The following ADD2 variants were observed in gnomAD, a reference collection of about 807,000 sequenced individuals.
The protein encoded by ADD2 is beta-adducin.
A neutral mutation model predicts 83.0 loss-of-function variants in ADD2; 23 were observed. The ratio of observed to expected loss-of-function variants is 0.28; its 90% CI spans 0.20 to 0.39. The LOEUF (loss-of-function observed/expected upper bound fraction) is 0.39, where lower values mean the gene tolerates loss of function less well. ADD2 is among the 10% of genes least tolerant of loss of function. The pLI, the probability that ADD2 is intolerant of heterozygous loss-of-function variation, is 1.00. For synonymous variants in ADD2, 375 were observed against 375.4 expected, an observed-to-expected ratio of 1.00 and a Z score of 0.01; for missense variants, 758 against 944.9, an observed-to-expected ratio of 0.80 and a Z score of 2.59.
At chr2:70,669,650 T>A (rs960681917) in intron 15 of ADD2, among the ~76,000 whole-genome samples, 2 of 152,186 alleles carry the variant, frequency 1.3e-5, no homozygotes, top group African/African-American at 4.8e-5. Context: ...CCACACTGAA[T>A]CTGGGCTGGC....
intron 1 of ADD2, among the ~76,000 whole-genome samples, chr2:70,715,688 T>C (rs1553376227): frequency 1.3e-5 from 2 of 152,176 alleles, no homozygotes; most frequent in African/African-American, 2.4e-5. Context: ...TCCTGTGTCC[T>C]GCAGCCTCGT....
At chr2:70,692,288 T>G (rs1013004827) in intron 7 of ADD2, 115 bp downstream of exon 7, 10 of 1,246,704 alleles carry the variant, frequency 8.0e-6, no homozygotes, top group Non-Finnish European at 1.1e-5. Context: ...GGGAGTTCTC[T>G]CGCTTCACCT....
intron 6 of ADD2, among the ~76,000 whole-genome samples, chr2:70,693,457 C>A (rs1187783064): frequency 1.3e-5 from 2 of 152,140 alleles, no homozygotes; most frequent in Non-Finnish European, 2.9e-5. Flanking sequence ...CCTCAACTTG[C>A]CCATCACCCC....
intron 1 of ADD2, among the ~76,000 whole-genome samples, chr2:70,763,364 T>C (rs1362570306): frequency 1.3e-5 from 2 of 151,994 alleles, no homozygotes; most frequent in African/African-American, 2.4e-5. Flanking sequence ...AGCCAATGTA[T>C]GTGGAGTCAA....
Position 70,706,101 on chromosome 2 carries a change from A to G in ADD2, c.183+125T>C. The G allele has an allele frequency of 1.0e-6, 1 of 1,002,688 alleles. No homozygotes were observed. Among genetic ancestry groups the G allele is most frequent in the East Asian group, 2.6e-5 (1 of 38,946 alleles). The allele number at this position is 1,002,688 out of a possible 1,614,324, so 62.1% of individuals were successfully genotyped here. A position where few individuals can be genotyped will look rare whatever the true frequency, so the allele number is the denominator to read the frequency against. On this transcript the variant is annotated intron_variant, in intron 3 of 15. Transcript: ENST00000264436. The surrounding 1 kb of genome is among the most constrained non-coding windows in gnomAD (Gnocchi z 5.0). ...CCAGGTGACCAGATCCGTCTTGCTC[A>G]GTGGGCTTACATTTCTACTGACCCT...
chr2:70,765,525 G>A (rs1468927387), intron 1 of ADD2, among the ~76,000 whole-genome samples: 3 of 152,104 alleles, frequency 2.0e-5, no homozygotes, highest in South Asian at 2.1e-4. Context: ...GTCTTTAAGC[G>A]CCCATTAGAC....
intron 1 of ADD2, among the ~76,000 whole-genome samples, chr2:70,734,046 C>T (rs370788528): frequency 3.9e-5 from 6 of 152,150 alleles, no homozygotes; most frequent in East Asian, 1.9e-4. Context: ...CTGCCGGGAC[C>T]TGCTATCTCC....
chr2:70,747,007 ATTTT>A (rs34113265), intron 1 of ADD2, among the ~76,000 whole-genome samples: 3 of 121,216 alleles, frequency 2.5e-5, no homozygotes, highest in Non-Finnish European at 5.0e-5. Context: ...TCCAATATGG[ATTTT>A]TTTTTTTTTT....
intron 9 of ADD2, 106 bp downstream of exon 9, chr2:70,687,917 TG>T (rs1670823545): frequency 1.3e-5 from 10 of 765,606 alleles, no homozygotes; most frequent in Non-Finnish European, 2.2e-5. Context: ...TTTAGATGGC[TG>T]GGATCAAAAG....
chr2:70,676,202 C>T lies in ADD2; in HGVS notation c.1593+594G>A. 3 of 985,900 alleles carry T rather than the reference C, an allele frequency of 3.0e-6. No homozygotes were observed. Among genetic ancestry groups the T allele is most frequent in the Non-Finnish European group, 3.6e-6 (3 of 830,268 alleles). The allele number at this position is 985,900 out of a possible 1,614,324, so 61.1% of individuals were successfully genotyped here. Reference sequence around the variant, plus strand: ...ACACATGCCAGAATTCTGAACTTCACCCCTTTTGCTAAGCACTAGACAAAA... The same window carrying T: ...ACACATGCCAGAATTCTGAACTTCATCCCTTTTGCTAAGCACTAGACAAAA... On this transcript the variant is annotated intron_variant, in intron 13 of 15. Transcript: ENST00000264436. The surrounding 1 kb of genome is among the most constrained non-coding windows in gnomAD (Gnocchi z 4.8).
intron 1 of ADD2, among the ~76,000 whole-genome samples, chr2:70,761,764 C>T (rs988509595): frequency 3.7e-4 from 56 of 150,534 alleles, no homozygotes; most frequent in East Asian, 5.9e-4. Flanking sequence ...CTCTGCCTCC[C>T]GGGTTCATGC....
chr2:70,743,419 T>G, intron 1 of ADD2, among the ~76,000 whole-genome samples: 1 of 152,194 alleles, frequency 6.6e-6, no homozygotes, highest in East Asian at 1.9e-4. Context: ...AGTTCAGCAT[T>G]TCACAGAGGA....
intron 13 of ADD2, chr2:70,675,045 G>C: frequency 7.6e-7 from 1 of 1,308,978 alleles, no homozygotes; most frequent in South Asian, 2.4e-5. Flanking sequence ...TGAATATAGG[G>C]GGTCCACAGT....
chr2:70,744,957 G>A (rs564917161), intron 1 of ADD2, among the ~76,000 whole-genome samples: 86 of 152,210 alleles, frequency 5.7e-4, no homozygotes, highest in African/African-American at 2.0e-3. Flanking sequence ...GTCTTCTTTC[G>A]AGCATTGGAT....
chr2:70,767,572 C>T lies in ADD2; in HGVS notation c.-154+314G>A, dbSNP rs571548869. On this transcript the variant is annotated intron_variant, in intron 1 of 15. Coordinates refer to ENST00000264436, the MANE Select transcript of ADD2 (RefSeq NM_001617.4). ...CGGCTAGGCGAGGCGAGGCTTGCCG[C>T]CCCTCCATTCGGACCCAAAAGAAAG... The T allele has an allele frequency of 4.3e-6, 5 of 1,149,668 alleles. No homozygotes were observed. In the South Asian group the frequency reaches 1.2e-4, roughly 28 times the overall value. The allele number at this position is 1,149,668 out of a possible 1,614,324, so 71.2% of individuals were successfully genotyped here.
intron 9 of ADD2, chr2:70,687,046 T>C (rs1553370636): frequency 6.6e-6 from 1 of 152,288 alleles, no homozygotes. Context: ...AGCTGACTCA[T>C]CCAGGAGCAA....
At chr2:70,739,434 G>A (rs528746014) in intron 1 of ADD2, among the ~76,000 whole-genome samples, 1 of 152,332 alleles carries the variant, frequency 6.6e-6, no homozygotes, top group East Asian at 1.9e-4. Flanking sequence ...AGTGTTGGTG[G>A]AAGTGTAAAT....
At chr2:70,679,043 T>C in intron 10 of ADD2, 82 bp from the exon 11 acceptor site, 1 of 1,470,214 alleles carries the variant, frequency 6.8e-7, no homozygotes, top group Non-Finnish European at 9.1e-7. Flanking sequence ...CACCTTTCCT[T>C]CCGTCTGCTT....
At chr2:70,710,621 A>G (rs1672133077) in intron 2 of ADD2, among the ~76,000 whole-genome samples, 1 of 152,210 alleles carries the variant, frequency 6.6e-6, no homozygotes, top group Admixed American at 6.5e-5. Flanking sequence ...CTGTCTCCAA[A>G]AAGTTATGTG....
Sources: gnomAD v4.1 joint callset for allele counts (sites outside exome capture counted in the v4.1 genomes callset) on GRCh38, gnomAD v4.1.1 for gene constraint, Gnocchi (gnomAD v3.1) non-coding constraint, MANE v1.5 for transcripts, NCBI Gene and HGNC (gene_info 2026-07-23, HGNC 2026-07-21) for gene names.